The following SPACA1 variants were observed in gnomAD, a reference collection of about 807,000 sequenced individuals.
SPACA1 encodes sperm acrosome membrane-associated protein 1.
In SPACA1, 17 loss-of-function variants were observed where a neutral mutation model predicts 32.6. That is an observed-to-expected ratio of 0.52 (90% CI 0.36 to 0.78). SPACA1 has a LOEUF of 0.78. Ranked by LOEUF, SPACA1 falls within the 30% of genes least tolerant of loss-of-function variation. The probability of loss-of-function intolerance (pLI) is 0.01; values close to 1 mark genes in which losing one functional copy is unlikely to be tolerated. For synonymous variants in SPACA1, 140 were observed against 138.1 expected (o/e 1.01, Z -0.10); for missense variants, 363 against 373.4 (o/e 0.97, Z 0.23).
chr6:88,053,275 G>A lies in SPACA1; in HGVS notation c.209-671G>A, dbSNP rs990127014. Among the ~76,000 whole-genome samples, 8 of 152,258 alleles carry A rather than the reference G, an allele frequency of 5.3e-5. No homozygotes were observed. In the South Asian group the frequency reaches 1.7e-3, roughly 32 times the overall value. ...ACTCACTTTATATTTTTTCTATTGAGACTTTCGTCCTAATTTGAGCTGAAG... is the reference window on the plus strand; with the variant it reads ...ACTCACTTTATATTTTTTCTATTGAAACTTTCGTCCTAATTTGAGCTGAAG... On this transcript the variant is annotated intron_variant, in intron 1 of 6. Transcript: ENST00000237201.
intron 6 of SPACA1, among the ~76,000 whole-genome samples, chr6:88,065,426 T>C (rs1486815635): frequency 2.0e-5 from 3 of 148,098 alleles, no homozygotes; most frequent in South Asian, 2.1e-4. Context: ...TATATTTACA[T>C]ATATAATATA....
intron 4 of SPACA1, 147 bp from the exon 5 acceptor site, chr6:88,059,306 G>A: frequency 1.4e-6 from 1 of 691,778 alleles, no homozygotes; most frequent in Non-Finnish European, 2.3e-6. Context: ...AGTCTGGATT[G>A]TGTGACTGAA....
intron 2 of SPACA1, among the ~76,000 whole-genome samples, chr6:88,057,047 A>C (rs1285942967): frequency 6.6e-6 from 1 of 152,154 alleles, no homozygotes; most frequent in African/African-American, 2.4e-5. Flanking sequence ...ATGCTTCCCC[A>C]AAAAGTTCCA....
At chr6:88,055,431 A>T (rs1355507022) in intron 2 of SPACA1, among the ~76,000 whole-genome samples, 1 of 152,234 alleles carries the variant, frequency 6.6e-6, no homozygotes, top group Non-Finnish European at 1.5e-5. Flanking sequence ...ATAAGTTATA[A>T]GGAAAAAAAT....
intron 2 of SPACA1, among the ~76,000 whole-genome samples, chr6:88,055,159 G>A (rs1775788054): frequency 6.6e-6 from 1 of 151,854 alleles, no homozygotes; most frequent in African/African-American, 2.4e-5. Context: ...TACTAACTTC[G>A]GAAATTTTCA....
chr6:88,052,705 C>T (rs569491201), intron 1 of SPACA1, among the ~76,000 whole-genome samples: 3 of 152,136 alleles, frequency 2.0e-5, no homozygotes, highest in South Asian at 4.2e-4. Context: ...GGCATGGTGG[C>T]GTCTGCCTGT....
chr6:88,056,154 G>C (rs1156997533), intron 2 of SPACA1, among the ~76,000 whole-genome samples: 1 of 152,112 alleles, frequency 6.6e-6, no homozygotes, highest in Non-Finnish European at 1.5e-5. Context: ...AGGAGTTCGA[G>C]ACCAGCCTGA....
intron 2 of SPACA1, among the ~76,000 whole-genome samples, chr6:88,054,851 C>T (rs780049216): frequency 3.3e-5 from 5 of 151,988 alleles, no homozygotes; most frequent in Admixed American, 2.0e-4. Flanking sequence ...CCATTTTAGC[C>T]GTTTTTAAAC....
intron 6 of SPACA1, 151 bp from the exon 7 acceptor site, chr6:88,066,031 G>A (rs987343714): frequency 5.8e-6 from 3 of 513,286 alleles, no homozygotes; most frequent in Non-Finnish European, 9.6e-6. Context: ...ATATGTACAG[G>A]TTATATATAT....
Position 88,057,730 on chromosome 6 carries a change from A to T in SPACA1, c.367+17A>T. The T allele has an allele frequency of 6.2e-7, 1 of 1,601,818 alleles. No homozygotes were observed. Among genetic ancestry groups the T allele is most frequent in the Non-Finnish European group, 8.6e-7 (1 of 1,168,870 alleles). On this transcript the variant is annotated intron_variant, in intron 3 of 6. Coordinates refer to ENST00000237201, the MANE Select transcript of SPACA1 (RefSeq NM_030960.3). ...ATTGTGGCTGTGAGTTGAATTATGT[A>T]TTGGAGGGAGACTGTGGGCAAGAGT...
intron 1 of SPACA1, among the ~76,000 whole-genome samples, chr6:88,049,551 ACT>A (rs1775697687): frequency 6.6e-6 from 1 of 152,210 alleles, no homozygotes; most frequent in Admixed American, 6.5e-5. Context: ...TGAAATTTGC[ACT>A]GTCCCCTTAA....
At position 88,058,807 on chromosome 6, in the gene SPACA1, T is replaced by A. The variant is rs768363922; in HGVS notation, c.459T>A (p.Leu153=). 3.1e-6 allele frequency: 5 copies of A among 1,610,702 alleles called. No individual in the cohort carries two copies. Among genetic ancestry groups the A allele is most frequent in the Non-Finnish European group, 4.2e-6 (5 of 1,177,156 alleles). Residue 153 remains leucine (L), a synonymous_variant, in exon 4 of 7, where the codon CTT becomes CTA. Transcript: ENST00000237201. ...ATCGTTTCAAATATATGTGGAAACT[T>A]CTAAGACAAGACCAAGTGAGTAATG... ...PLNRFKYMWK[L]LRQDQQSIIL...
At chr6:88,048,627 A>C (rs1775682227) in intron 1 of SPACA1, among the ~76,000 whole-genome samples, 1 of 152,162 alleles carries the variant, frequency 6.6e-6, no homozygotes, top group Non-Finnish European at 1.5e-5. Flanking sequence ...CCTAGCCTTG[A>C]GCACCTCTGC....
chr6:88,063,201 A>G (rs1005491160), intron 5 of SPACA1, among the ~76,000 whole-genome samples: 4 of 152,280 alleles, frequency 2.6e-5, no homozygotes, highest in African/African-American at 9.6e-5. Flanking sequence ...CGACCCAGCA[A>G]TTCTATTATT....
chr6:88,047,619 T>A (rs1292631541), upstream of SPACA1, among the ~76,000 whole-genome samples: 1 of 152,218 alleles, frequency 6.6e-6, no homozygotes, highest in East Asian at 1.9e-4. Context: ...GGAGGCGCCC[T>A]GGGCAGGGAA....
Position 88,064,201 on chromosome 6 carries a change from T to C in SPACA1, c.713T>C (p.Ile238Thr). Reference protein sequence around the residue: ...IICVFIIFLLIFIIINWAAVK... With the variant: ...IICVFIIFLLTFIIINWAAVK... ...TGTGTATTTATAATTTTCTTATTGA[T>C]CTTCATAATCATAAATTGGTAGGTG... is the stretch of plus-strand genomic sequence containing the variant. Residue 238 changes from isoleucine (I) to threonine (T), a missense_variant, in exon 6 of 7, where the codon ATC becomes ACC. Physicochemically the swap from Ile to Thr is moderately conservative, Grantham distance 89. Coordinates refer to ENST00000237201, the MANE Select transcript of SPACA1 (RefSeq NM_030960.3). The C allele has an allele frequency of 6.2e-7, 1 of 1,611,812 alleles. No individual in the cohort carries two copies. Among genetic ancestry groups the C allele is most frequent in the Non-Finnish European group, 8.5e-7 (1 of 1,179,020 alleles).
In SPACA1 at chr6:88,053,934, C is replaced by T; in HGVS notation, c.209-12C>T. ...TATAATTAAATAATGTATCTTTACC[C>T]TTTATGTTTAGTTTCAAATAGGAAT... On this transcript the variant is annotated splice_polypyrimidine_tract_variant and intron_variant, in intron 1 of 6. Transcript: ENST00000237201. The T allele has an allele frequency of 6.2e-7, 1 of 1,610,804 alleles. No individual in the cohort carries two copies. The highest frequency in any genetic ancestry group is 1.1e-5 in the South Asian group (1 of 90,808).
chr6:88,055,985 AAAC>A (rs1322527317), intron 2 of SPACA1, among the ~76,000 whole-genome samples: 3 of 152,094 alleles, frequency 2.0e-5, no homozygotes, highest in Non-Finnish European at 2.9e-5. Flanking sequence ...AAAACAAAAC[AAAC>A]AACAACAAAA....
intron 1 of SPACA1, among the ~76,000 whole-genome samples, chr6:88,052,591 CTT>C (rs1376601357): frequency 6.6e-6 from 1 of 152,158 alleles, no homozygotes; most frequent in East Asian, 1.9e-4. Flanking sequence ...AATCCCAGCA[CTT>C]TGGGAGACTG....
Sources: allele counts gnomAD v4.1 joint callset (sites outside exome capture counted in the v4.1 genomes callset), GRCh38; gene constraint gnomAD v4.1.1; transcripts MANE v1.5; gene names NCBI Gene and HGNC (gene_info 2026-07-23, HGNC 2026-07-21).